The following CADM2 variants were observed in gnomAD, a reference collection of about 807,000 sequenced individuals.
The protein encoded by CADM2 is cell adhesion molecule 2.
Under a neutral mutation model 49.8 loss-of-function variants are expected in CADM2, and 12 were observed. The observed-to-expected ratio is 0.24, with a 90% confidence interval of 0.15 to 0.39. The LOEUF is 0.39. CADM2 is among the 10% of genes least tolerant of loss of function. The pLI, the probability that CADM2 is intolerant of heterozygous loss-of-function variation, is 1.00. For missense variants in CADM2, 378 were observed against 492.3 expected, an observed-to-expected ratio of 0.77 and a Z score of 2.20; for synonymous variants, 214 against 175.4, an observed-to-expected ratio of 1.22 and a Z score of -1.74.
chr3:85,374,421 AGTCT>A (rs1248011258), intron 1 of CADM2, among the ~76,000 whole-genome samples: 1 of 152,132 alleles, frequency 6.6e-6, no homozygotes, highest in East Asian at 1.9e-4. Flanking sequence ...ACATTCAACA[AGTCT>A]GTAGGATGCT....
At chr3:85,547,381 A>G (rs1439022853) in intron 1 of CADM2, among the ~76,000 whole-genome samples, 1 of 152,212 alleles carries the variant, frequency 6.6e-6, no homozygotes, top group African/African-American at 2.4e-5. Context: ...GAATTATCCA[A>G]ATAATTAAAT....
At chr3:85,778,373 C>A (rs1361973552) in intron 2 of CADM2, among the ~76,000 whole-genome samples, 1 of 152,028 alleles carries the variant, frequency 6.6e-6, no homozygotes, top group Non-Finnish European at 1.5e-5. Flanking sequence ...GTGTCCCCAC[C>A]CAAATTTCAC....
chr3:85,179,219 A>G (rs546735058), intron 1 of CADM2, among the ~76,000 whole-genome samples: 1 of 151,946 alleles, frequency 6.6e-6, no homozygotes, highest in African/African-American at 2.4e-5. Flanking sequence ...CTTTCAATTT[A>G]TCCTAAAACC....
chr3:85,208,317 A>G (rs1194528431), intron 1 of CADM2, among the ~76,000 whole-genome samples: 2 of 152,140 alleles, frequency 1.3e-5, no homozygotes, highest in East Asian at 3.9e-4. Flanking sequence ...ATAAAAGTAC[A>G]ATTGTAGGAC....
intron 1 of CADM2, among the ~76,000 whole-genome samples, chr3:85,187,312 C>T (rs774998877): frequency 6.6e-6 from 1 of 151,954 alleles, no homozygotes; most frequent in Non-Finnish European, 1.5e-5. Context: ...AATGATTTCT[C>T]AATATTTTGA....
At chr3:85,023,320 G>A (rs1405068477) in intron 1 of CADM2, among the ~76,000 whole-genome samples, 1 of 152,060 alleles carries the variant, frequency 6.6e-6, no homozygotes, top group African/African-American at 2.4e-5. Context: ...GGGCTGGTTT[G>A]CAGGGTATTT....
At chr3:85,962,394 A>G (rs969314520) in intron 8 of CADM2, among the ~76,000 whole-genome samples, 1 of 152,014 alleles carries the variant, frequency 6.6e-6, no homozygotes, top group Non-Finnish European at 1.5e-5. Flanking sequence ...ATGGGAGTGT[A>G]CAATATTAGC....
intron 7 of CADM2, among the ~76,000 whole-genome samples, chr3:85,939,596 A>G (rs975208655): frequency 6.6e-6 from 1 of 151,822 alleles, no homozygotes; most frequent in African/African-American, 2.4e-5. Context: ...CATTCATTTT[A>G]ATCGAATGTG....
At chr3:85,799,386 A>C (rs1229137558) in intron 2 of CADM2, among the ~76,000 whole-genome samples, 3 of 152,170 alleles carry the variant, frequency 2.0e-5, no homozygotes, top group Non-Finnish European at 1.5e-5. Flanking sequence ...TTGCCCATTC[A>C]TTATGATATT....
At chr3:85,816,017 G>A (rs1577382234) in intron 3 of CADM2, among the ~76,000 whole-genome samples, 2 of 152,008 alleles carry the variant, frequency 1.3e-5, no homozygotes, top group East Asian at 3.9e-4. Context: ...GTGTATAACA[G>A]GCAAATTCAA....
At chr3:85,030,133 C>T (rs2107321177) in intron 1 of CADM2, among the ~76,000 whole-genome samples, 1 of 152,170 alleles carries the variant, frequency 6.6e-6, no homozygotes, top group East Asian at 1.9e-4. Context: ...TCTTAAACTC[C>T]AAGATTCACT....
At chr3:85,534,055 A>T (rs905490537) in intron 1 of CADM2, among the ~76,000 whole-genome samples, 2 of 152,158 alleles carry the variant, frequency 1.3e-5, no homozygotes, top group African/African-American at 2.4e-5. Flanking sequence ...ATTTACTCAG[A>T]TGTGTAGCAT....
At chr3:85,590,175 A>G (rs1458557466) in intron 1 of CADM2, among the ~76,000 whole-genome samples, 1 of 152,004 alleles carries the variant, frequency 6.6e-6, no homozygotes, top group East Asian at 1.9e-4. Context: ...ACTTTTTAGA[A>G]CAAATAGAGC....
At chr3:85,616,522 T>C (rs921534703) in intron 1 of CADM2, among the ~76,000 whole-genome samples, 4 of 152,124 alleles carry the variant, frequency 2.6e-5, no homozygotes, top group Non-Finnish European at 5.9e-5. Context: ...TTTTATGTAT[T>C]TAATCCTTAG....
intron 1 of CADM2, among the ~76,000 whole-genome samples, chr3:85,071,129 G>A (rs774892034): frequency 5.3e-5 from 8 of 151,690 alleles, no homozygotes; most frequent in Non-Finnish European, 1.0e-4. Context: ...AAAATACTTC[G>A]TAAAAGCTTT....
rs138156503 is a variant in CADM2 at position 85,928,323 on chromosome 3, T to G, written c.701-7444T>G. Among the ~76,000 whole-genome samples the G allele has an allele frequency of 8.3e-3, 1,267 of 152,172 alleles. 42 individuals carry two copies. The South Asian group carries it at 0.092, about 11-fold the overall frequency. On this transcript the variant is annotated intron_variant, in intron 6 of 9. Coordinates refer to ENST00000383699, the MANE Select transcript of CADM2 (RefSeq NM_001167675.2). ...ACAGGCGCATGCCATCATGCCCAGC[T>G]AATTTTTGTATTTTTAGTAGAGACG... is the stretch of plus-strand genomic sequence containing the variant.
chr3:85,903,443 T>C (rs1211881245), intron 5 of CADM2, among the ~76,000 whole-genome samples: 2 of 152,184 alleles, frequency 1.3e-5, no homozygotes, highest in Non-Finnish European at 2.9e-5. Context: ...ACCTTCATTT[T>C]TGAAAAATAA....
intron 1 of CADM2, among the ~76,000 whole-genome samples, chr3:85,143,494 A>C (rs1009399961): frequency 2.0e-4 from 30 of 152,196 alleles, no homozygotes; most frequent in African/African-American, 7.0e-4. Context: ...AATAATTAAT[A>C]TGATTGTGAA....
chr3:85,446,685 C>A (rs1226961214), intron 1 of CADM2, among the ~76,000 whole-genome samples: 1 of 149,590 alleles, frequency 6.7e-6, no homozygotes, highest in Non-Finnish European at 1.5e-5. Context: ...TCACCGCAAC[C>A]TCCCCATCCC....
Sources: allele counts gnomAD v4.1 joint callset (sites outside exome capture counted in the v4.1 genomes callset), GRCh38; gene constraint gnomAD v4.1.1; transcripts MANE v1.5; gene names NCBI Gene and HGNC (gene_info 2026-07-23, HGNC 2026-07-21).